Variants in SFPQ observed in about 807,000 individuals in gnomAD.
SFPQ encodes splicing factor proline and glutamine rich, also known as splicing factor, proline- and glutamine-rich.
In SFPQ, 11 loss-of-function variants were observed where a neutral mutation model predicts 72.9. The observed-to-expected ratio is 0.15, with a 90% CI of 0.09 to 0.25. The LOEUF is 0.25. SFPQ is among the 10% of genes least tolerant of loss of function. The pLI is 1.00. For missense variants in SFPQ, 847 were observed against 993.3 expected (o/e 0.85, Z 1.98); for synonymous variants, 506 against 367.3 (o/e 1.38, Z -4.32).
Position 35,183,929 on chromosome 1 carries a change from C to T in SFPQ, c.*527G>A, listed in dbSNP as rs1639588126. 3 of 1,050,946 alleles carry T rather than the reference C, an allele frequency of 2.9e-6. No homozygotes were observed. Among genetic ancestry groups the T allele is most frequent in the Non-Finnish European group, 2.3e-6 (2 of 870,050 alleles). The allele number at this position is 1,050,946 out of a possible 1,614,324, so 65.1% of individuals were successfully genotyped here. A position where few individuals can be genotyped will look rare whatever the true frequency, so the allele number is the denominator to read the frequency against. On this transcript the variant is annotated 3_prime_UTR_variant, in exon 10 of 10. Coordinates refer to ENST00000357214, the MANE Select transcript of SFPQ (RefSeq NM_005066.3). ...CCTATATGCCAAACAAATCATCAAA[C>T]TACTTCAATATGCATTTCTTCTTTT...
intron 6 of SFPQ, 100 bp downstream of exon 6, chr1:35,188,903 G>T: frequency 1.1e-6 from 1 of 880,614 alleles, no homozygotes; most frequent in South Asian, 1.5e-5. Flanking sequence ...GGAGGTTGTG[G>T]TGAGCTGAGA....
downstream of SFPQ, chr1:35,178,933 C>T (rs905631939): frequency 3.1e-5 from 33 of 1,050,850 alleles, no homozygotes; most frequent in African/African-American, 2.5e-4. Context: ...TCAAAAGCAA[C>T]GTTTTTATGG....
chr1:35,181,495 C>A (rs1279045288), downstream of SFPQ: 2 of 1,063,450 alleles, frequency 1.9e-6, no homozygotes, highest in African/African-American at 3.3e-5. Flanking sequence ...TGTAGTACTT[C>A]TTATGAGTTT....
At chr1:35,190,452 T>A (rs893935637) in intron 4 of SFPQ, 46 bp downstream of exon 4, 7 of 1,351,970 alleles carry the variant, frequency 5.2e-6, no homozygotes, top group Non-Finnish European at 7.3e-6. Context: ...AAATTTAACC[T>A]TTACACTTGA....
At chr1:35,186,492 G>A (rs1356442039) in intron 9 of SFPQ, among the ~76,000 whole-genome samples, 1 of 152,160 alleles carries the variant, frequency 6.6e-6, no homozygotes, top group Non-Finnish European at 1.5e-5. Context: ...GAAACGACGA[G>A]TCAAAACACT....
chr1:35,190,023 G>A (rs1230977677), intron 4 of SFPQ, among the ~76,000 whole-genome samples: 1 of 152,094 alleles, frequency 6.6e-6, no homozygotes, highest in African/African-American at 2.4e-5. Context: ...CACTTTGAGA[G>A]GCCGAGGTGG....
intron 4 of SFPQ, among the ~76,000 whole-genome samples, chr1:35,189,806 T>A (rs1639906046): frequency 6.6e-6 from 1 of 151,982 alleles, no homozygotes; most frequent in Admixed American, 6.6e-5. Context: ...AAAAATTAGC[T>A]GGGCATGGTG....
downstream of SFPQ, chr1:35,178,886 A>C (rs1339323488): frequency 8.6e-6 from 3 of 346,902 alleles, no homozygotes; most frequent in East Asian, 7.8e-4. Flanking sequence ...TTCACTCTCA[A>C]AAAAAAAAAA....
downstream of SFPQ, chr1:35,182,707 G>A (rs1314345679): frequency 5.1e-6 from 5 of 985,254 alleles, no homozygotes; most frequent in African/African-American, 5.2e-5. Flanking sequence ...TCCATAGTAA[G>A]AATTCTACAA....
At chr1:35,187,924 G>A (rs755004657) in intron 7 of SFPQ, 49 bp downstream of exon 7, 27 of 1,159,358 alleles carry the variant, frequency 2.3e-5, no homozygotes, top group Non-Finnish European at 3.1e-5. Flanking sequence ...CTAGGTACCT[G>A]CAAGTTCTAT....
At position 35,192,907 on chromosome 1, in the gene SFPQ, C is replaced by T; in HGVS notation, c.143G>A (p.Gly48Asp). Residue 48 changes from glycine to aspartate, a missense_variant, in exon 1 of 10, where the codon GGT becomes GAT. Gly to Asp is a moderately conservative substitution (Grantham distance 94, BLOSUM62 -1). This residue lies in a region of SFPQ where 498 missense variants were observed against 405.1 expected (regional missense o/e 1.23). Transcript: ENST00000357214. ...MGLNQNRGPM[G>D]PGPGQSGPKP... ...AGGGCCGCTCTGGCCCGGGCCAGGA[C>T]CCATGGGGCCGCGATTCTGATTGAG... The T allele has an allele frequency of 6.3e-7, 1 of 1,579,924 alleles. No homozygotes were observed.
downstream of SFPQ, chr1:35,180,185 G>A: frequency 9.5e-7 from 1 of 1,051,178 alleles, no homozygotes; most frequent in Non-Finnish European, 1.1e-6. Flanking sequence ...TCCAGTTACA[G>A]AGCAGAAACA....
At chr1:35,180,467 C>T (rs764333884), downstream of SFPQ, 10 of 1,049,682 alleles carry the variant, frequency 9.5e-6, no homozygotes, top group Middle Eastern at 4.3e-4. Context: ...AACATGTATT[C>T]GACTGTAGTC....
chr1:35,183,863 C>T lies in SFPQ; in HGVS notation c.*593G>A. ...CCTGAAGATTTACAGTTCAGCTTTGCTTACATAACCATTTAAAAAATACTT... is the reference window on the plus strand; with the variant it reads ...CCTGAAGATTTACAGTTCAGCTTTGTTTACATAACCATTTAAAAAATACTT... On this transcript the variant is annotated 3_prime_UTR_variant, in exon 10 of 10. Transcript: ENST00000357214. 2 of 1,054,112 alleles carry T rather than the reference C, an allele frequency of 1.9e-6. No individual in the cohort carries two copies. Among genetic ancestry groups the T allele is most frequent in the Non-Finnish European group, 2.3e-6 (2 of 872,108 alleles). The allele number at this position is 1,054,112 out of a possible 1,614,324, so 65.3% of individuals were successfully genotyped here.
intron 1 of SFPQ, 118 bp downstream of exon 1, chr1:35,192,104 C>A: frequency 3.5e-6 from 3 of 846,862 alleles, no homozygotes; most frequent in Non-Finnish European, 4.7e-6. Flanking sequence ...CCCGCAGCGG[C>A]GCGCGCAAGC....
chr1:35,177,779 C>T (rs1639307799), intron 4 of SFPQ: 2 of 178,110 alleles, frequency 1.1e-5, no homozygotes, highest in Non-Finnish European at 1.2e-5. Flanking sequence ...TAACCATCCA[C>T]TTTTTAAAAA....
chr1:35,190,640 C>A lies in SFPQ; in HGVS notation c.1320-47G>T, dbSNP rs371032758. 1.7e-5 allele frequency: 27 copies of A among 1,606,988 alleles called. No homozygotes were observed. The African/African-American group carries it at 2.7e-4, about 16-fold the overall frequency. ...TCTTAGCTTTGTTCCAGTTTTATTG[C>A]CACCATTCTCATATAAGTTGATAGA... On this transcript the variant is annotated intron_variant, in intron 3 of 9. Transcript: ENST00000357214.
chr1:35,187,911 C>T (rs1639802928), intron 7 of SFPQ, 62 bp downstream of exon 7: 5 of 986,424 alleles, frequency 5.1e-6, no homozygotes, highest in Admixed American at 2.0e-5. Context: ...CCTGTAATTC[C>T]TTCTAGGTAC....
downstream of SFPQ, chr1:35,178,191 G>C: frequency 2.8e-6 from 3 of 1,066,120 alleles, no homozygotes; most frequent in Non-Finnish European, 3.4e-6. Flanking sequence ...ACTTCATGGT[G>C]GGGGGGAAAT....
Sources: gnomAD v4.1 joint callset for allele counts (sites outside exome capture counted in the v4.1 genomes callset) on GRCh38, gnomAD v4.1.1 for gene constraint, gnomAD v4.1.1 regional missense constraint, MANE v1.5 for transcripts, NCBI Gene and HGNC (gene_info 2026-07-23, HGNC 2026-07-21) for gene names.